Variants in ANKDD1B observed in about 807,000 individuals in gnomAD.
ANKDD1B encodes the protein ankyrin repeat and death domain-containing protein 1B.
Under a neutral mutation model 59.7 loss-of-function variants are expected in ANKDD1B, and 57 were observed. The observed-to-expected ratio is 0.95, with a 90% CI of 0.77 to 1.19. The LOEUF (loss-of-function observed/expected upper bound fraction) is 1.19. Ranked by LOEUF, ANKDD1B falls within the 50% of genes most tolerant of loss-of-function variation. The probability of loss-of-function intolerance (pLI) is 0.00; values close to 1 mark genes in which losing one functional copy is unlikely to be tolerated. For synonymous variants in ANKDD1B, 216 were observed against 239.5 expected (o/e 0.90, Z 0.91); for missense variants, 602 against 641.9 (o/e 0.94, Z 0.67).
chr5:75,667,940 T>C (rs1374709130), intron 12 of ANKDD1B, among the ~76,000 whole-genome samples: 2 of 152,190 alleles, frequency 1.3e-5, no homozygotes, highest in East Asian at 1.9e-4. Context: ...TACATTTTCA[T>C]GTGAAAAATA....
At chr5:75,642,073 T>G (rs978012459) in intron 7 of ANKDD1B, among the ~76,000 whole-genome samples, 1 of 152,056 alleles carries the variant, frequency 6.6e-6, no homozygotes, top group African/African-American at 2.4e-5. Context: ...GAACACTAAT[T>G]GAAAAAATAT....
Position 75,635,178 on chromosome 5 carries a change from G to C in ANKDD1B, c.699+182G>C, listed in dbSNP as rs569879717. 21 of 480,368 alleles carry C rather than the reference G, an allele frequency of 4.4e-5. No individual in the cohort carries two copies. In the East Asian group the frequency reaches 6.7e-4, roughly 15 times the overall value. 29.8% of individuals were successfully genotyped at this position (480,368 alleles called of 1,614,324 possible). A position where few individuals can be genotyped will look rare whatever the true frequency, so the allele number is the denominator to read the frequency against. On this transcript the variant is annotated intron_variant, in intron 6 of 13. Transcript: ENST00000601380. ...GGCAAAATCCTTCCACTGTTGCTCT[G>C]GGTTGTCCAGATTGGCAGTTTTTGC...
At chr5:75,614,278 G>GTGGGTTGTGTTACAGA (rs1773656104) in intron 1 of ANKDD1B, among the ~76,000 whole-genome samples, 1 of 152,196 alleles carries the variant, frequency 6.6e-6, no homozygotes, top group African/African-American at 2.4e-5. Flanking sequence ...TGCACACACA[G>GTGGGTTGTGTTACAGA]TGGGTTGTGT....
At chr5:75,668,150 A>G (rs1435619514) in intron 12 of ANKDD1B, among the ~76,000 whole-genome samples, 2 of 152,202 alleles carry the variant, frequency 1.3e-5, no homozygotes, top group Non-Finnish European at 2.9e-5. Context: ...AGTACTTGCC[A>G]GCAGGATAAG....
At chr5:75,637,370 T>C (rs1179500797) in intron 7 of ANKDD1B, among the ~76,000 whole-genome samples, 1 of 150,772 alleles carries the variant, frequency 6.6e-6, no homozygotes, top group Non-Finnish European at 1.5e-5. Context: ...TGGTCACTTC[T>C]CAACCTATGG....
intron 11 of ANKDD1B, among the ~76,000 whole-genome samples, chr5:75,665,874 G>T (rs1365987072): frequency 6.6e-6 from 1 of 151,968 alleles, no homozygotes; most frequent in African/African-American, 2.4e-5. Flanking sequence ...TTGTTGTCAA[G>T]AATATTTTCA....
chr5:75,652,489 T>C (rs1165077474), intron 7 of ANKDD1B, among the ~76,000 whole-genome samples: 1 of 152,218 alleles, frequency 6.6e-6, no homozygotes, highest in Non-Finnish European at 1.5e-5. Flanking sequence ...TTGCCCAGGC[T>C]GGAGTGCAGT....
chr5:75,667,084 G>A, intron 12 of ANKDD1B, 91 bp downstream of exon 12: 1 of 833,042 alleles, frequency 1.2e-6, no homozygotes, highest in Non-Finnish European at 1.7e-6. Flanking sequence ...GAAGTGTGTG[G>A]CACTCACAAT....
chr5:75,657,641 G>C (rs1239867865), intron 9 of ANKDD1B, among the ~76,000 whole-genome samples: 1 of 152,148 alleles, frequency 6.6e-6, no homozygotes, highest in Admixed American at 6.5e-5. Context: ...GGGCGTGGTG[G>C]CTCATGCCTG....
intron 11 of ANKDD1B, among the ~76,000 whole-genome samples, chr5:75,665,676 G>A (rs1775286607): frequency 6.6e-6 from 1 of 152,190 alleles, no homozygotes; most frequent in Admixed American, 6.5e-5. Context: ...CTAGAGGAAG[G>A]TTTTGCCCTT....
chr5:75,647,718 G>C (rs168808), intron 7 of ANKDD1B, among the ~76,000 whole-genome samples: 78,827 of 111,322 alleles, frequency 0.71, 28,995 homozygotes, highest in Middle Eastern at 0.83. Context: ...TCTAGAACTA[G>C]AAATACCATT....
At chr5:75,612,537 T>G (rs1773598516) in intron 1 of ANKDD1B, among the ~76,000 whole-genome samples, 1 of 152,026 alleles carries the variant, frequency 6.6e-6, no homozygotes, top group South Asian at 2.1e-4. Context: ...GCTTGGAAGC[T>G]ATACACCAAT....
intron 11 of ANKDD1B, among the ~76,000 whole-genome samples, chr5:75,666,267 C>T (rs1041153789): frequency 5.3e-5 from 8 of 152,118 alleles, no homozygotes. Flanking sequence ...CTCCCTTAGT[C>T]ACCTCTTCCC....
intron 5 of ANKDD1B, among the ~76,000 whole-genome samples, chr5:75,631,496 C>G (rs1291983299): frequency 6.6e-6 from 1 of 152,170 alleles, no homozygotes; most frequent in African/African-American, 2.4e-5. Flanking sequence ...TGGAACTAGG[C>G]ATCTCTCTCA....
chr5:75,663,625 C>CT (rs1265835625), intron 11 of ANKDD1B, 136 bp downstream of exon 11: 1 of 697,032 alleles, frequency 1.4e-6, no homozygotes, highest in South Asian at 1.8e-5. Flanking sequence ...ACTGTCCCTT[C>CT]TGTCTTGTGC....
chr5:75,639,354 G>A (rs912741223), intron 7 of ANKDD1B, among the ~76,000 whole-genome samples: 6 of 152,006 alleles, frequency 3.9e-5, no homozygotes, highest in South Asian at 2.1e-4. Flanking sequence ...ATGCCACCAC[G>A]CCAGGCTAAT....
chr5:75,617,402 A>C (rs976146618), intron 2 of ANKDD1B, among the ~76,000 whole-genome samples: 1 of 152,220 alleles, frequency 6.6e-6, no homozygotes, highest in Non-Finnish European at 1.5e-5. Context: ...CTCTTGGGCA[A>C]TGAGGCCTTA....
chr5:75,611,563 T>G lies in ANKDD1B; in HGVS notation c.-72T>G, dbSNP rs375893. ...CTGGGCCTGCCTGGGTCTGGATCTG[T>G]GTCCGAGTCTGGGTCTGGATCTGGG... On this transcript the variant is annotated 5_prime_UTR_variant, in exon 1 of 14. Transcript: ENST00000601380. The G allele has an allele frequency of 4.2e-6, 5 of 1,181,958 alleles. No individual in the cohort carries two copies. The highest frequency in any genetic ancestry group is 5.3e-6 in the Non-Finnish European group (5 of 943,964). 73.2% of individuals were successfully genotyped at this position (1,181,958 alleles called of 1,614,324 possible). A position where few individuals can be genotyped will look rare whatever the true frequency, so the allele number is the denominator to read the frequency against.
chr5:75,639,529 A>G (rs1226835724), intron 7 of ANKDD1B, among the ~76,000 whole-genome samples: 2 of 152,158 alleles, frequency 1.3e-5, no homozygotes, highest in Non-Finnish European at 2.9e-5. Context: ...TGGCTGTCCC[A>G]GGCACCCAGG....
Sources: gnomAD v4.1 joint callset for allele counts (sites outside exome capture counted in the v4.1 genomes callset) on GRCh38, gnomAD v4.1.1 for gene constraint, MANE v1.5 for transcripts, NCBI Gene and HGNC (gene_info 2026-07-23, HGNC 2026-07-21) for gene names.